Variants in RPS6KC1 observed in about 807,000 individuals in gnomAD.
RPS6KC1 encodes the protein inactive ribosomal protein S6 kinase delta-1.
A neutral mutation model predicts 103.8 loss-of-function variants in RPS6KC1; 54 were observed. That is an observed-to-expected ratio of 0.52 (90% confidence interval 0.42 to 0.65). The LOEUF is 0.65. Among genes scored for constraint, RPS6KC1 ranks in the 30% least tolerant of loss-of-function variants. The pLI, the probability that RPS6KC1 is intolerant of heterozygous loss-of-function variation, is 0.00. For missense variants in RPS6KC1, 1,151 were observed against 1,253.8 expected, an observed-to-expected ratio of 0.92 and a Z score of 1.24; for synonymous variants, 439 against 438.7, an observed-to-expected ratio of 1.00 and a Z score of -0.01.
chr1:213,770,545 A>T, the RPS6KC1 span, among the ~76,000 whole-genome samples: 1 of 152,218 alleles, frequency 6.6e-6, no homozygotes, highest in Non-Finnish European at 1.5e-5. Flanking sequence ...GAGAGTCACA[A>T]GGTATGTTAT....
At chr1:213,225,994 CG>C (rs2093951917) in intron 8 of RPS6KC1, among the ~76,000 whole-genome samples, 2 of 151,842 alleles carry the variant, frequency 1.3e-5, no homozygotes, top group African/African-American at 4.8e-5. Context: ...GATGCCGAGG[CG>C]GGCGGATCAC....
At chr1:213,435,183 T>C in the RPS6KC1 span, among the ~76,000 whole-genome samples, 1 of 152,216 alleles carries the variant, frequency 6.6e-6, no homozygotes, top group East Asian at 1.9e-4. Context: ...ACTTAGAATA[T>C]TTTCCATCTC....
chr1:213,298,217 G>A, the RPS6KC1 span, among the ~76,000 whole-genome samples: 1 of 152,218 alleles, frequency 6.6e-6, no homozygotes, highest in African/African-American at 2.4e-5. Flanking sequence ...GAATAAGGGT[G>A]CACAGGAAAT....
chr1:213,614,219 C>A, the RPS6KC1 span, among the ~76,000 whole-genome samples: 1 of 152,236 alleles, frequency 6.6e-6, no homozygotes, highest in African/African-American at 2.4e-5. Flanking sequence ...GAGGTAACAT[C>A]TAGTCCTTGG....
At chr1:213,478,610 G>A in the RPS6KC1 span, among the ~76,000 whole-genome samples, 8 of 152,066 alleles carry the variant, frequency 5.3e-5, no homozygotes, top group South Asian at 4.1e-4. Context: ...TCTTAATTAT[G>A]TATGATGCTA....
chr1:213,261,046 A>T (rs924619695), intron 12 of RPS6KC1, among the ~76,000 whole-genome samples: 3 of 152,234 alleles, frequency 2.0e-5, no homozygotes, highest in Admixed American at 1.3e-4. Flanking sequence ...AGGAAAGGGA[A>T]GATGATACTA....
chr1:213,473,166 G>A, the RPS6KC1 span, among the ~76,000 whole-genome samples: 10 of 152,344 alleles, frequency 6.6e-5, no homozygotes, highest in African/African-American at 2.4e-4. Flanking sequence ...GTGAAGGCCA[G>A]ACCCCCTTTT....
rs2148628848 is a variant in RPS6KC1, at chr1:213,087,732, A to G, written c.262+9916A>G. Among the ~76,000 whole-genome samples the G allele has an allele frequency of 1.3e-5, 2 of 152,082 alleles. 1 individual carries two copies. The highest frequency in any genetic ancestry group is 3.9e-4 in the East Asian group (2 of 5,188). ...CAGCCAGTTTGGTGATCACCTAGCTAAGGACACCAAGGTGCCGCAGTCCTA... is the reference window on the plus strand; with the variant it reads ...CAGCCAGTTTGGTGATCACCTAGCTGAGGACACCAAGGTGCCGCAGTCCTA... On this transcript the variant is annotated intron_variant, in intron 3 of 14. Coordinates refer to ENST00000366960, the MANE Select transcript of RPS6KC1 (RefSeq NM_012424.6).
the RPS6KC1 span, among the ~76,000 whole-genome samples, chr1:213,771,504 A>G: frequency 6.6e-6 from 1 of 152,222 alleles, no homozygotes; most frequent in African/African-American, 2.4e-5. Flanking sequence ...AGGTGGCTCC[A>G]AACAACACCT....
intron 3 of RPS6KC1, among the ~76,000 whole-genome samples, chr1:213,098,334 G>A: frequency 6.8e-6 from 1 of 146,968 alleles, no homozygotes; most frequent in African/African-American, 2.5e-5. Context: ...TAGAGACGGG[G>A]TTTCACCATG....
chr1:213,147,880 G>C (rs2088074311), intron 6 of RPS6KC1, among the ~76,000 whole-genome samples: 2 of 151,820 alleles, frequency 1.3e-5, no homozygotes, highest in South Asian at 4.2e-4. Context: ...TTTCATCAGT[G>C]TTTTATAGTT....
chr1:213,110,602 T>G (rs2148829861), intron 4 of RPS6KC1, among the ~76,000 whole-genome samples: 1 of 152,388 alleles, frequency 6.6e-6, no homozygotes, highest in Non-Finnish European at 1.5e-5. Context: ...TGTGCCATTA[T>G]ATGCTTTCCT....
chr1:213,580,680 A>T, the RPS6KC1 span, among the ~76,000 whole-genome samples: 4 of 152,120 alleles, frequency 2.6e-5, no homozygotes, highest in East Asian at 7.7e-4. Context: ...CACTCTGATC[A>T]GTCAGCAGCC....
chr1:213,401,871 C>T, the RPS6KC1 span, among the ~76,000 whole-genome samples: 3 of 152,290 alleles, frequency 2.0e-5, no homozygotes, highest in East Asian at 5.8e-4. Context: ...ATTGCAGCCT[C>T]TATCTCCTGG....
At chr1:213,511,414 C>T in the RPS6KC1 span, among the ~76,000 whole-genome samples, 1 of 152,120 alleles carries the variant, frequency 6.6e-6, no homozygotes, top group Non-Finnish European at 1.5e-5. Context: ...CATTTTTGCA[C>T]GTGGTGTTGA....
At chr1:213,271,122 T>G (rs78098825) in intron 14 of RPS6KC1, among the ~76,000 whole-genome samples, 2,128 of 152,318 alleles carry the variant, frequency 0.014, 48 homozygotes, top group African/African-American at 0.048. Context: ...CACAAAGACA[T>G]GTACATGAAC....
the RPS6KC1 span, among the ~76,000 whole-genome samples, chr1:213,448,769 A>C: frequency 2.2e-4 from 3 of 13,950 alleles, no homozygotes; most frequent in Admixed American, 9.5e-4. Flanking sequence ...AATCTGTTAC[A>C]AAAAAAAAAA....
the RPS6KC1 span, among the ~76,000 whole-genome samples, chr1:213,582,347 T>G: frequency 6.6e-6 from 1 of 152,054 alleles, no homozygotes; most frequent in African/African-American, 2.4e-5. Flanking sequence ...TGTTCTCCAG[T>G]GGCTTCACCA....
chr1:213,260,838 A>G (rs2094774552), intron 12 of RPS6KC1, among the ~76,000 whole-genome samples: 2 of 151,984 alleles, frequency 1.3e-5, no homozygotes, highest in African/African-American at 4.8e-5. Context: ...GAAAACTCAA[A>G]TTACATTTCA....
Sources: gnomAD v4.1 joint callset for allele counts (sites outside exome capture counted in the v4.1 genomes callset) on GRCh38, gnomAD v4.1.1 for gene constraint, MANE v1.5 for transcripts, NCBI Gene and HGNC (gene_info 2026-07-23, HGNC 2026-07-21) for gene names.